The following SESTD1 variants were observed in gnomAD, a reference collection of about 807,000 sequenced individuals.
The protein encoded by SESTD1 is SEC14 and spectrin domain containing 1, also known as SEC14 domain and spectrin repeat-containing protein 1.
A neutral mutation model predicts 101.7 loss-of-function variants in SESTD1; 43 were observed. The ratio of observed to expected loss-of-function variants is 0.42; its 90% CI spans 0.33 to 0.55. The LOEUF (loss-of-function observed/expected upper bound fraction) is 0.55. SESTD1 is among the 20% of genes least tolerant of loss of function. The pLI is 0.07. For missense variants in SESTD1, 647 were observed against 815.1 expected (o/e 0.79, Z 2.51); for synonymous variants, 283 against 286.8 (o/e 0.99, Z 0.13).
chr2:179,120,187 C>T (rs1276067194), intron 13 of SESTD1, among the ~76,000 whole-genome samples: 13 of 151,982 alleles, frequency 8.6e-5, no homozygotes, highest in South Asian at 6.2e-4. Flanking sequence ...CTTGATCATA[C>T]CACTGCACTC....
intron 1 of SESTD1, among the ~76,000 whole-genome samples, chr2:179,241,817 G>C (rs1186494083): frequency 6.6e-5 from 10 of 151,880 alleles, no homozygotes; most frequent in Non-Finnish European, 1.2e-4. Context: ...AGCTACTGGA[G>C]AGGCTGAGGC....
At chr2:179,230,723 C>T (rs1284056575) in intron 1 of SESTD1, among the ~76,000 whole-genome samples, 8 of 151,582 alleles carry the variant, frequency 5.3e-5, no homozygotes, top group Non-Finnish European at 7.4e-5. Context: ...TAACTGAAGT[C>T]CCTGCAGAAG....
At chr2:179,149,168 A>G in intron 7 of SESTD1, 129 bp downstream of exon 7, 1 of 582,876 alleles carries the variant, frequency 1.7e-6, no homozygotes, top group East Asian at 3.8e-5. Context: ...CGAATATTGT[A>G]CGTCAATTTT....
intron 3 of SESTD1, among the ~76,000 whole-genome samples, chr2:179,176,940 G>C (rs551046507): frequency 5.9e-5 from 9 of 152,164 alleles, no homozygotes; most frequent in Non-Finnish European, 1.2e-4. Flanking sequence ...CTACCTGCCA[G>C]AAGTATAAGA....
intron 1 of SESTD1, among the ~76,000 whole-genome samples, chr2:179,247,710 G>A (rs768161392): frequency 4.6e-5 from 7 of 151,876 alleles, no homozygotes; most frequent in Non-Finnish European, 8.8e-5. Flanking sequence ...AAAGGGCTAG[G>A]GTTATAGGCA....
intron 1 of SESTD1, among the ~76,000 whole-genome samples, chr2:179,236,120 C>G (rs533827094): frequency 6.6e-6 from 1 of 151,844 alleles, no homozygotes; most frequent in African/African-American, 2.4e-5. Flanking sequence ...CAAGAGCTCA[C>G]TGACAGAAGG....
At chr2:179,229,410 C>T (rs2046941341) in intron 1 of SESTD1, among the ~76,000 whole-genome samples, 1 of 152,064 alleles carries the variant, frequency 6.6e-6, no homozygotes. Flanking sequence ...GTCCTCAGGC[C>T]TTCAGACTGA....
Position 179,120,143 on chromosome 2 carries a change from C to T in SESTD1, c.1442+1627G>A, listed in dbSNP as rs7598956. Among the ~76,000 whole-genome samples the T allele has an allele frequency of 2.4e-3, 359 of 152,048 alleles. 2 individuals are homozygous for T. The highest frequency in any genetic ancestry group is 8.1e-3 in the African/African-American group (335 of 41,478). On this transcript the variant is annotated intron_variant, in intron 13 of 17. Coordinates refer to ENST00000428443, the MANE Select transcript of SESTD1 (RefSeq NM_178123.5). ...ACTCGGAAGGCTGAGGCAGAAGAAT[C>T]GCTTGAACCCAGGAGGTGGATGTTG... is the stretch of plus-strand genomic sequence containing the variant.
chr2:179,118,088 A>T (rs2044672995), intron 13 of SESTD1, among the ~76,000 whole-genome samples: 1 of 151,110 alleles, frequency 6.6e-6, no homozygotes, highest in Non-Finnish European at 1.5e-5. Flanking sequence ...TTCACATCCC[A>T]GCCTCCCAAG....
chr2:179,106,534 CTTAA>C lies in SESTD1; in HGVS notation c.*3361_*3364del, dbSNP rs1391985673. On this transcript the variant is annotated 3_prime_UTR_variant, in exon 18 of 18. Transcript: ENST00000428443. ...TTACTCATCACTGTTAGTAAGGTAA[CTTAA>C]TTGTCATGCTCACGCTAAGGAGTAC... 6.6e-6 allele frequency: 1 copy of C among 152,118 alleles called. No individual in the cohort carries two copies. Among genetic ancestry groups the C allele is most frequent in the Non-Finnish European group, 1.5e-5 (1 of 68,010 alleles). The allele number at this position is 152,118 out of a possible 1,614,324, so 9.4% of individuals were successfully genotyped here.
intron 1 of SESTD1, among the ~76,000 whole-genome samples, chr2:179,232,935 A>T (rs1457477232): frequency 1.3e-5 from 2 of 152,204 alleles, no homozygotes; most frequent in Non-Finnish European, 2.9e-5. Flanking sequence ...GTGGTAGAAA[A>T]GATGGGAGGT....
At chr2:179,144,818 G>A (rs1003023368) in intron 8 of SESTD1, among the ~76,000 whole-genome samples, 9 of 151,830 alleles carry the variant, frequency 5.9e-5, no homozygotes, top group African/African-American at 1.9e-4. Flanking sequence ...GGACCTAGTA[G>A]CATATAAAAT....
At chr2:179,134,174 T>C (rs1309670969) in intron 9 of SESTD1, among the ~76,000 whole-genome samples, 1 of 152,112 alleles carries the variant, frequency 6.6e-6, no homozygotes, top group Non-Finnish European at 1.5e-5. Flanking sequence ...ACAACCATAT[T>C]CTATTTCCTT....
chr2:179,241,675 C>G (rs1448784908), intron 1 of SESTD1, among the ~76,000 whole-genome samples: 1 of 151,978 alleles, frequency 6.6e-6, no homozygotes, highest in African/African-American at 2.4e-5. Context: ...GTAATCCCAG[C>G]ACTTTGGGAG....
chr2:179,188,445 C>T (rs2046268493), intron 2 of SESTD1, among the ~76,000 whole-genome samples: 1 of 152,154 alleles, frequency 6.6e-6, no homozygotes, highest in Non-Finnish European at 1.5e-5. Context: ...TGAGATCAGC[C>T]TGTGCAACAC....
At chr2:179,117,953 G>C (rs979200252) in intron 13 of SESTD1, among the ~76,000 whole-genome samples, 3 of 152,090 alleles carry the variant, frequency 2.0e-5, no homozygotes, top group African/African-American at 4.8e-5. Flanking sequence ...AAGGATAAAA[G>C]TGTAATGTTT....
intron 6 of SESTD1, among the ~76,000 whole-genome samples, chr2:179,150,880 T>A (rs2045511255): frequency 6.6e-6 from 1 of 152,214 alleles, no homozygotes; most frequent in South Asian, 2.1e-4. Flanking sequence ...CAACCTTTAC[T>A]GATGCTACTA....
intron 13 of SESTD1, 34 bp downstream of exon 13, chr2:179,121,735 AT>A: frequency 6.6e-7 from 1 of 1,515,952 alleles, no homozygotes; most frequent in Non-Finnish European, 8.8e-7. Context: ...TATTGTTATT[AT>A]TTTAGTAAAA....
chr2:179,108,185 C>G lies in SESTD1; in HGVS notation c.*1714G>C, dbSNP rs560756103. 1 of 152,052 alleles carries G rather than the reference C, an allele frequency of 6.6e-6. No individual in the cohort carries two copies. The highest frequency in any genetic ancestry group is 1.5e-5 in the Non-Finnish European group (1 of 68,000). 9.4% of individuals were successfully genotyped at this position (152,052 alleles called of 1,614,324 possible). On this transcript the variant is annotated 3_prime_UTR_variant, in exon 18 of 18. Coordinates refer to ENST00000428443, the MANE Select transcript of SESTD1 (RefSeq NM_178123.5). The stretch of plus-strand genomic sequence containing the variant: ...AGAACATTGGTATAAAATAAAAACT[C>G]TAAGGATGAGATACCGAGAAAAGAG...
Sources: gnomAD v4.1 joint callset for allele counts (sites outside exome capture counted in the v4.1 genomes callset) on GRCh38, gnomAD v4.1.1 for gene constraint, MANE v1.5 for transcripts, NCBI Gene and HGNC (gene_info 2026-07-23, HGNC 2026-07-21) for gene names.